MAPKAPK5: variants seen among roughly 807,000 people sequenced by gnomAD.
MAPKAPK5 encodes MAP kinase-activated protein kinase 5.
A neutral mutation model predicts 65.1 loss-of-function variants in MAPKAPK5; 30 were observed. That is an observed-to-expected ratio of 0.46 (90% confidence interval 0.34 to 0.63). MAPKAPK5 has a LOEUF of 0.63. Ranked by LOEUF, MAPKAPK5 falls within the 20% of genes least tolerant of loss-of-function variation. MAPKAPK5 has a pLI of 0.01. For missense variants in MAPKAPK5, 433 were observed against 581.4 expected (o/e 0.74, Z 2.63); for synonymous variants, 179 against 204.6 (o/e 0.87, Z 1.07).
intron 1 of MAPKAPK5, among the ~76,000 whole-genome samples, chr12:111,864,223 A>G (rs1472747524): frequency 6.6e-6 from 1 of 152,058 alleles, no homozygotes; most frequent in Non-Finnish European, 1.5e-5. Flanking sequence ...TGCAGTGAGA[A>G]ATGATCACAC....
chr12:111,859,895 C>A lies in MAPKAPK5; in HGVS notation c.37-5355C>A, dbSNP rs780480410. ...AACTCCTGACCTCAGGTGATCCACC[C>A]GCCTCAGCCTCCCAAAGTGCTGGGA... is the stretch of plus-strand genomic sequence containing the variant. On this transcript the variant is annotated intron_variant, in intron 1 of 13. Transcript: ENST00000550735. 2.6e-5 allele frequency among the ~76,000 whole-genome samples: 4 copies of A among 151,974 alleles called. No individual in the cohort carries two copies. The East Asian group carries it at 7.8e-4, about 30-fold the overall frequency.
At chr12:111,842,814 T>G (rs1248011771) in intron 1 of MAPKAPK5, 45 bp downstream of exon 1, 3 of 1,293,752 alleles carry the variant, frequency 2.3e-6, no homozygotes, top group Non-Finnish European at 3.0e-6. Context: ...TCCTGTGGCG[T>G]TCTTCTCGGC....
chr12:111,895,143 C>T lies in MAPKAPK5; in HGVS notation c.*2082C>T, dbSNP rs2070756724. 1 of 135,108 alleles carries T rather than the reference C, an allele frequency of 7.4e-6. No homozygotes were observed. Among genetic ancestry groups the T allele is most frequent in the Admixed American group, 8.2e-5 (1 of 12,262 alleles). The allele number at this position is 135,108 out of a possible 1,614,324, so 8.4% of individuals were successfully genotyped here. A position where few individuals can be genotyped will look rare whatever the true frequency, so the allele number is the denominator to read the frequency against. ...ATGGATTCTTGCTCTGTCGCCCAGG[C>T]TGGAGTGCAGTGGCGCGATCTTGGC... On this transcript the variant is annotated 3_prime_UTR_variant, in exon 14 of 14. Coordinates refer to ENST00000550735, the MANE Select transcript of MAPKAPK5 (RefSeq NM_003668.4).
In MAPKAPK5 at chr12:111,900,133, T is replaced by A. The variant is rs571890137; in HGVS notation, c.*7072T>A. The A allele has an allele frequency of 2.2e-6, 1 of 456,042 alleles. No homozygotes were observed. The highest frequency in any genetic ancestry group is 1.5e-5 in the South Asian group (1 of 64,550). The allele number at this position is 456,042 out of a possible 1,614,324, so 28.2% of individuals were successfully genotyped here. A position where few individuals can be genotyped will look rare whatever the true frequency, so the allele number is the denominator to read the frequency against. On this transcript the variant is annotated 3_prime_UTR_variant, in exon 14 of 14. Transcript: ENST00000550735. The stretch of plus-strand genomic sequence containing the variant: ...GAGATTTGGACCGAGGGGGACCTAA[T>A]AGATGTCACAGTGGACTTGCAAATC...
At chr12:111,880,604 AGT>A in intron 8 of MAPKAPK5, 77 bp downstream of exon 8, 1 of 1,275,794 alleles carries the variant, frequency 7.8e-7, no homozygotes, top group Non-Finnish European at 1.1e-6. Flanking sequence ...GCCCTCTGGG[AGT>A]GTGGCCAATT....
At chr12:111,880,566 G>T in intron 8 of MAPKAPK5, 39 bp downstream of exon 8, 3 of 1,576,768 alleles carry the variant, frequency 1.9e-6, no homozygotes, top group Non-Finnish European at 2.6e-6. Flanking sequence ...GACAGATGCA[G>T]CCCCTCTCCT....
Position 111,900,149 on chromosome 12 carries a change from C to T in MAPKAPK5, c.*7088C>T, listed in dbSNP as rs1201904130. The T allele has an allele frequency of 4.4e-6, 2 of 455,934 alleles. No individual in the cohort carries two copies. The highest frequency in any genetic ancestry group is 4.0e-5 in the African/African-American group (2 of 50,066). The allele number at this position is 455,934 out of a possible 1,614,324, so 28.2% of individuals were successfully genotyped here. A position where few individuals can be genotyped will look rare whatever the true frequency, so the allele number is the denominator to read the frequency against. On this transcript the variant is annotated 3_prime_UTR_variant, in exon 14 of 14. Transcript: ENST00000550735. The stretch of plus-strand genomic sequence containing the variant: ...GGGACCTAATAGATGTCACAGTGGA[C>T]TTGCAAATCACACTCAGGAATTTCA...
chr12:111,878,823 C>G (rs1259975987), intron 7 of MAPKAPK5, among the ~76,000 whole-genome samples: 1 of 152,182 alleles, frequency 6.6e-6, no homozygotes, highest in Non-Finnish European at 1.5e-5. Flanking sequence ...AATCATGGAG[C>G]ATATATGTGT....
chr12:111,844,729 A>G (rs530163327), intron 1 of MAPKAPK5, among the ~76,000 whole-genome samples: 74 of 152,196 alleles, frequency 4.9e-4, no homozygotes, highest in Non-Finnish European at 7.1e-4. Flanking sequence ...GGTGAGGAGT[A>G]CTGTGTTAAA....
chr12:111,880,625 AC>A, intron 8 of MAPKAPK5, 98 bp downstream of exon 8: 1 of 987,014 alleles, frequency 1.0e-6, no homozygotes, highest in South Asian at 1.4e-5. Context: ...TTCCTTTCTC[AC>A]CCCTTAATAT....
rs1566295784 is a variant in MAPKAPK5, at chr12:111,899,798, T to A, written c.*6737T>A. On this transcript the variant is annotated 3_prime_UTR_variant, in exon 14 of 14. Coordinates refer to ENST00000550735, the MANE Select transcript of MAPKAPK5 (RefSeq NM_003668.4). ...CCTCCTGATTAAGGAGGAAAAATCT[T>A]ACAGCATTGAGCCCATGGACTCTTC... 2.5e-6 allele frequency: 1 copy of A among 394,346 alleles called. No homozygotes were observed. The highest frequency in any genetic ancestry group is 5.2e-6 in the Non-Finnish European group (1 of 192,350). The allele number at this position is 394,346 out of a possible 1,614,324, so 24.4% of individuals were successfully genotyped here. A position where few individuals can be genotyped will look rare whatever the true frequency, so the allele number is the denominator to read the frequency against.
At position 111,893,061 on chromosome 12, in the gene MAPKAPK5, A is replaced by G. The variant is rs763393763; in HGVS notation, c.1416A>G (p.Ter472=). 1 of 1,565,654 alleles carries G rather than the reference A, an allele frequency of 6.4e-7. No homozygotes were observed. The highest frequency in any genetic ancestry group is 8.7e-7 in the Non-Finnish European group (1 of 1,154,536). The part of the protein sequence containing the change: ...EEQTTSHESQ[*] ...AAACCACGTCCCACGAATCCCAATA[A>G]TGACAGCTTCAGACTTTGTTTTTTT... Residue 472 remains the stop codon, a stop_retained_variant, in exon 14 of 14, where the codon TAA becomes TAG. Transcript: ENST00000550735.
intron 1 of MAPKAPK5, among the ~76,000 whole-genome samples, chr12:111,845,763 A>G (rs1464934311): frequency 1.3e-5 from 2 of 151,990 alleles, no homozygotes; most frequent in African/African-American, 4.8e-5. Flanking sequence ...TCTCTACTAA[A>G]AATACAAAAA....
intron 9 of MAPKAPK5, among the ~76,000 whole-genome samples, chr12:111,884,037 C>A (rs886935825): frequency 6.6e-6 from 1 of 152,214 alleles, no homozygotes; most frequent in African/African-American, 2.4e-5. Flanking sequence ...CACATTAATT[C>A]AAGACCCTAA....
intron 9 of MAPKAPK5, 89 bp from the exon 10 acceptor site, chr12:111,885,827 C>T (rs1566272256): frequency 6.4e-7 from 1 of 1,553,388 alleles, no homozygotes; most frequent in Non-Finnish European, 8.8e-7. Context: ...TCAGAAGTAA[C>T]CAGAACTGTT....
At chr12:111,885,105 A>G (rs1291607659) in intron 9 of MAPKAPK5, among the ~76,000 whole-genome samples, 1 of 152,200 alleles carries the variant, frequency 6.6e-6, no homozygotes, top group African/African-American at 2.4e-5. Context: ...CTAGAGCAAC[A>G]CTGATTATCT....
Position 111,900,407 on chromosome 12 carries a change from C to G in MAPKAPK5, c.*7346C>G, listed in dbSNP as rs2070992007. 4.4e-6 allele frequency: 2 copies of G among 455,972 alleles called. No homozygotes were observed. Among genetic ancestry groups the G allele is most frequent in the African/African-American group, 4.0e-5 (2 of 50,080 alleles). 28.2% of individuals were successfully genotyped at this position (455,972 alleles called of 1,614,324 possible). ...GTATTCAGCACGACCACTCGGCCTG[C>G]TTTTGTAAAGATAAGCACTTTTGCC... On this transcript the variant is annotated 3_prime_UTR_variant, in exon 14 of 14. Transcript: ENST00000550735.
intron 1 of MAPKAPK5, among the ~76,000 whole-genome samples, chr12:111,854,700 A>G (rs1361988738): frequency 6.6e-6 from 1 of 152,218 alleles, no homozygotes; most frequent in African/African-American, 2.4e-5. Context: ...CTTGGGAGAC[A>G]TTTGGTAACA....
intron 13 of MAPKAPK5, 56 bp downstream of exon 13, chr12:111,890,200 G>C: frequency 7.9e-7 from 1 of 1,272,880 alleles, no homozygotes; most frequent in Non-Finnish European, 1.1e-6. Context: ...ATTATGTTTA[G>C]AACATATAGG....
Sources: allele counts gnomAD v4.1 joint callset (sites outside exome capture counted in the v4.1 genomes callset), GRCh38; gene constraint gnomAD v4.1.1; transcripts MANE v1.5; gene names NCBI Gene and HGNC (gene_info 2026-07-23, HGNC 2026-07-21).